Variants in ZNF445 observed in about 807,000 individuals in gnomAD.
ZNF445 encodes the protein zinc finger protein 445, also known as zinc finger protein 168.
ZNF445 carries 19 observed loss-of-function variants against 93.9 expected under a neutral mutation model. The observed-to-expected ratio is 0.20, with a 90% CI of 0.14 to 0.30. The LOEUF is 0.30. Ranked by LOEUF, ZNF445 falls within the 10% of genes least tolerant of loss-of-function variation. The pLI is 1.00. For synonymous variants in ZNF445, 449 were observed against 446.3 expected, an observed-to-expected ratio of 1.01 and a Z score of -0.08; for missense variants, 1,058 against 1,259.4, an observed-to-expected ratio of 0.84 and a Z score of 2.42.
rs1421398091 is a variant in ZNF445, at chr3:44,458,400, T to C, written c.-268-36A>G. On this transcript the variant is annotated intron_variant, in intron 1 of 7. Transcript: ENST00000396077. ...AGAACATAGGAGAAAACCTTTAGGA[T>C]CTAGGATGAGGCAAATAGTTCTTAC... 2.0e-5 allele frequency: 3 copies of C among 151,968 alleles called. No individual in the cohort carries two copies. In the East Asian group the frequency reaches 5.8e-4, roughly 29 times the overall value. 9.4% of individuals were successfully genotyped at this position (151,968 alleles called of 1,614,324 possible). A position where few individuals can be genotyped will look rare whatever the true frequency, so the allele number is the denominator to read the frequency against.
At chr3:44,453,670 A>G (rs2125680275) in intron 3 of ZNF445, among the ~76,000 whole-genome samples, 1 of 152,268 alleles carries the variant, frequency 6.6e-6, no homozygotes, top group Non-Finnish European at 1.5e-5. Flanking sequence ...ACAATACAGG[A>G]AGCATCAGCT....
rs1050414726 is a variant in ZNF445, at chr3:44,445,387, A to G, written c.*1188T>C. On this transcript the variant is annotated 3_prime_UTR_variant, in exon 8 of 8. Coordinates refer to ENST00000396077, the MANE Select transcript of ZNF445 (RefSeq NM_181489.6). Reference sequence around the variant, plus strand: ...AAAATATAATTCAGATTCAAACCACATCACTCCTCAACTCAAAATTGTCCA... The same window carrying G: ...AAAATATAATTCAGATTCAAACCACGTCACTCCTCAACTCAAAATTGTCCA... 10 of 152,200 alleles carry G rather than the reference A, an allele frequency of 6.6e-5. No individual in the cohort carries two copies. Among genetic ancestry groups the G allele is most frequent in the African/African-American group, 1.9e-4 (8 of 41,418 alleles). The allele number at this position is 152,200 out of a possible 1,614,324, so 9.4% of individuals were successfully genotyped here.
At chr3:44,449,477 G>T (rs1697928381) in intron 7 of ZNF445, 36 bp downstream of exon 7, 2 of 1,498,656 alleles carry the variant, frequency 1.3e-6, no homozygotes, top group Non-Finnish European at 1.9e-6. Context: ...AGTAAAAGCA[G>T]GAGGAGCAGG....
chr3:44,448,663 C>T lies in ZNF445; in HGVS notation c.1008G>A (p.Val336=), dbSNP rs760990956. 5.0e-6 allele frequency: 8 copies of T among 1,614,192 alleles called. No homozygotes were observed. The highest frequency in any genetic ancestry group is 5.9e-6 in the Non-Finnish European group (7 of 1,180,048). Residue 336 remains valine (V), a synonymous_variant, in exon 8 of 8, where the codon GTG becomes GTA. Coordinates refer to ENST00000396077, the MANE Select transcript of ZNF445 (RefSeq NM_181489.6). ...CACTTGTCGCAGGACATCCTGATGA[C>T]ACAGCTAAGGTTTCTGCTTCTTCCA... The part of the protein sequence containing the change: ...EPLEEAETLA[V]SSGCPATSVS...
Position 44,436,805 on chromosome 3 carries a change from C to T in ZNF445, c.*9770G>A, listed in dbSNP as rs922497469. The T allele has an allele frequency of 6.6e-6, 1 of 152,176 alleles. No individual in the cohort carries two copies. The highest frequency in any genetic ancestry group is 1.9e-4 in the East Asian group (1 of 5,190). 9.4% of individuals were successfully genotyped at this position (152,176 alleles called of 1,614,324 possible). ...AAATGAAGACAGCCATTCTCAGCTTCTCAAGTTAAAACAATGAACCACAAA... is the reference window on the plus strand; with the variant it reads ...AAATGAAGACAGCCATTCTCAGCTTTTCAAGTTAAAACAATGAACCACAAA... On this transcript the variant is annotated 3_prime_UTR_variant, in exon 8 of 8. Coordinates refer to ENST00000396077, the MANE Select transcript of ZNF445 (RefSeq NM_181489.6).
chr3:44,474,893 C>T (rs775654229), intron 1 of ZNF445, among the ~76,000 whole-genome samples: 7 of 151,894 alleles, frequency 4.6e-5, no homozygotes, highest in African/African-American at 7.3e-5. Flanking sequence ...GTACTTTGGA[C>T]GGCCGAGGCA....
At chr3:44,469,801 C>CA (rs1198660815) in intron 1 of ZNF445, among the ~76,000 whole-genome samples, 4 of 151,728 alleles carry the variant, frequency 2.6e-5, no homozygotes, top group African/African-American at 9.7e-5. Flanking sequence ...CAAAACAAAA[C>CA]AAACAAAACA....
chr3:44,475,348 G>A (rs907717167), intron 1 of ZNF445, among the ~76,000 whole-genome samples: 178 of 151,808 alleles, frequency 1.2e-3, no homozygotes, highest in African/African-American at 3.7e-3. Flanking sequence ...ACAGGTGCCC[G>A]CCACCATGCC....
intron 1 of ZNF445, among the ~76,000 whole-genome samples, chr3:44,465,950 A>AGTT (rs1698188016): frequency 6.6e-6 from 1 of 152,222 alleles, no homozygotes; most frequent in East Asian, 1.9e-4. Context: ...CAAACAAACA[A>AGTT]ACTAGCTTTA....
intron 2 of ZNF445, among the ~76,000 whole-genome samples, chr3:44,456,915 G>C (rs1208337136): frequency 6.6e-6 from 1 of 152,132 alleles, no homozygotes. Context: ...ACTGCTTGAG[G>C]TCAGGAGTTT....
rs566038129 is a variant in ZNF445 at position 44,448,083 on chromosome 3, G to A, written c.1588C>T (p.Arg530Trp). The change falls in exon 8 of 8, where the codon CGG (arginine) becomes TGG (tryptophan). Residue 530 changes from arginine to tryptophan, a missense_variant. By Grantham distance (101) the Arg-to-Trp change is moderately radical (BLOSUM62 -3). This residue lies in a region of ZNF445 where 657 missense variants were observed against 746.4 expected (regional missense o/e 0.88). Coordinates refer to ENST00000396077, the MANE Select transcript of ZNF445 (RefSeq NM_181489.6). ...ACTCCAGTGTGAATTTTCTCATGCC[G>A]CGCACAGTTGGAACTCCACCGGAAG... is the stretch of plus-strand genomic sequence containing the variant. ...KAFRWSSNCA[R>W]HEKIHTGVKP... 6 of 1,612,926 alleles carry A rather than the reference G, an allele frequency of 3.7e-6. No homozygotes were observed. Among genetic ancestry groups the A allele is most frequent in the African/African-American group, 1.3e-5 (1 of 74,974 alleles).
intron 1 of ZNF445, among the ~76,000 whole-genome samples, chr3:44,464,999 G>A (rs961470714): frequency 1.3e-5 from 2 of 151,298 alleles, no homozygotes; most frequent in African/African-American, 2.4e-5. Context: ...CCCGGCAGGC[G>A]GAGGTTGCAG....
At chr3:44,456,431 A>T (rs1162691207) in intron 2 of ZNF445, among the ~76,000 whole-genome samples, 1 of 152,166 alleles carries the variant, frequency 6.6e-6, no homozygotes, top group Non-Finnish European at 1.5e-5. Flanking sequence ...CAAGCAAGCA[A>T]GCAAGCAAAC....
chr3:44,464,376 A>G (rs563272182), intron 1 of ZNF445, among the ~76,000 whole-genome samples: 5 of 152,200 alleles, frequency 3.3e-5, no homozygotes, highest in Non-Finnish European at 4.4e-5. Flanking sequence ...CAAATGAAAA[A>G]TCTTACAAGG....
At chr3:44,459,054 G>C (rs1294082856) in intron 1 of ZNF445, among the ~76,000 whole-genome samples, 1 of 152,168 alleles carries the variant, frequency 6.6e-6, no homozygotes, top group Non-Finnish European at 1.5e-5. Context: ...AGAGAGCTAT[G>C]GACAACTGCA....
intron 3 of ZNF445, among the ~76,000 whole-genome samples, chr3:44,453,722 G>C (rs539504841): frequency 6.6e-6 from 1 of 152,328 alleles, no homozygotes; most frequent in South Asian, 2.1e-4. Context: ...GAACGCACTT[G>C]AACTGACCAG....
chr3:44,438,054 A>G lies in ZNF445; in HGVS notation c.*8521T>C, dbSNP rs897151322. ...TCAACATGGAGTTGCTCTCGTTCCA[A>G]TGCTTCTGACGCTATCTCTACAGAT... On this transcript the variant is annotated 3_prime_UTR_variant, in exon 8 of 8. Transcript: ENST00000396077. 1.3e-5 allele frequency: 2 copies of G among 152,330 alleles called. No individual in the cohort carries two copies. The highest frequency in any genetic ancestry group is 2.0e-4 in the South Asian group (1 of 5,044). 9.4% of individuals were successfully genotyped at this position (152,330 alleles called of 1,614,324 possible). A position where few individuals can be genotyped will look rare whatever the true frequency, so the allele number is the denominator to read the frequency against.
chr3:44,461,798 AAATTAAGAATATTGCC>A (rs1277844050), intron 1 of ZNF445, among the ~76,000 whole-genome samples: 4 of 152,240 alleles, frequency 2.6e-5, no homozygotes, highest in Admixed American at 2.6e-4. Context: ...CCTGTTGGGC[AAATTAAGAATATTGCC>A]TATGTTTCAT....
In ZNF445 at chr3:44,434,571, A is replaced by G. The variant is rs1367435149; in HGVS notation, c.*12004T>C. 2 of 152,192 alleles carry G rather than the reference A, an allele frequency of 1.3e-5. No homozygotes were observed. 9.4% of individuals were successfully genotyped at this position (152,192 alleles called of 1,614,324 possible). On this transcript the variant is annotated 3_prime_UTR_variant, in exon 8 of 8. Coordinates refer to ENST00000396077, the MANE Select transcript of ZNF445 (RefSeq NM_181489.6). The stretch of plus-strand genomic sequence containing the variant: ...GTCCAGTGACTATAATGTCATCAAT[A>G]TAATGGACCAGTGTGTCGTCCTGAG...
Sources: allele counts gnomAD v4.1 joint callset (sites outside exome capture counted in the v4.1 genomes callset), GRCh38; gene constraint gnomAD v4.1.1; regional missense constraint gnomAD v4.1.1; transcripts MANE v1.5; gene names NCBI Gene and HGNC (gene_info 2026-07-23, HGNC 2026-07-21).